Variants in ZC3H6 observed in about 807,000 individuals in gnomAD.
ZC3H6 encodes zinc finger CCCH domain-containing protein 6.
ZC3H6 carries 40 observed loss-of-function variants against 107.7 expected under a neutral mutation model. That is an observed-to-expected ratio of 0.37 (90% CI 0.29 to 0.48). The LOEUF is 0.48. ZC3H6 is among the 20% of genes least tolerant of loss of function. The probability of loss-of-function intolerance (pLI) is 0.98; values close to 1 mark genes in which losing one functional copy is unlikely to be tolerated. For missense variants in ZC3H6, 1,267 were observed against 1,410.4 expected (o/e 0.90, Z 1.63); for synonymous variants, 493 against 487.9 (o/e 1.01, Z -0.14).
Position 112,339,840 on chromosome 2 carries a change from ATCTG to A in ZC3H6, c.*7357_*7360del. 1 of 152,170 alleles carries A rather than the reference ATCTG, an allele frequency of 6.6e-6. No individual in the cohort carries two copies. Among genetic ancestry groups the A allele is most frequent in the Non-Finnish European group, 1.5e-5 (1 of 68,000 alleles). The allele number at this position is 152,170 out of a possible 1,614,324, so 9.4% of individuals were successfully genotyped here. On this transcript the variant is annotated 3_prime_UTR_variant, in exon 12 of 12. Coordinates refer to ENST00000409871, the MANE Select transcript of ZC3H6 (RefSeq NM_198581.3). The stretch of plus-strand genomic sequence containing the variant: ...GTTTAGTAGATTAATGACGTTGTTA[ATCTG>A]TCTGCTCAAAAGACACCAGCAAGGG...
chr2:112,296,188 CT>C (rs904840060), intron 1 of ZC3H6, among the ~76,000 whole-genome samples: 4 of 152,062 alleles, frequency 2.6e-5, no homozygotes, highest in African/African-American at 9.6e-5. Context: ...CTTAATACCC[CT>C]TTTTTTGTCA....
chr2:112,306,768 T>A (rs1676484381), intron 3 of ZC3H6, among the ~76,000 whole-genome samples: 1 of 152,192 alleles, frequency 6.6e-6, no homozygotes, highest in Non-Finnish European at 1.5e-5. Context: ...GAGATCCCCT[T>A]ATAATTGAGG....
chr2:112,323,930 T>C (rs1291970381), intron 9 of ZC3H6, among the ~76,000 whole-genome samples: 2 of 152,140 alleles, frequency 1.3e-5, no homozygotes, highest in Non-Finnish European at 1.5e-5. Context: ...AAACAGTAAG[T>C]TTTAGAACAG....
At chr2:112,278,803 A>G (rs1033242647) in intron 1 of ZC3H6, among the ~76,000 whole-genome samples, 2 of 152,182 alleles carry the variant, frequency 1.3e-5, no homozygotes, top group African/African-American at 4.8e-5. Flanking sequence ...TTTCTCGTTT[A>G]AAGAAATAGA....
At position 112,324,424 on chromosome 2, in the gene ZC3H6, C is replaced by T. The variant is rs1299047592; in HGVS notation, c.1613C>T (p.Pro538Leu). ...AATCAAGCTGGAGTGCTTGTTCAAC[C>T]AGACACATCTTTGACACCACCAAGT... ...PQNQAGVLVQ[P>L]DTSLTPPSMG... The change falls in exon 10 of 12, where the codon CCA becomes CTA. Residue 538 changes from proline (P) to leucine (L), a missense_variant. By Grantham distance (98) the Pro-to-Leu change is moderately conservative (BLOSUM62 -3). Transcript: ENST00000409871. The T allele has an allele frequency of 1.2e-6, 2 of 1,613,876 alleles. No individual in the cohort carries two copies. Among genetic ancestry groups the T allele is most frequent in the Non-Finnish European group, 1.7e-6 (2 of 1,179,890 alleles).
In ZC3H6 at chr2:112,275,884, G is replaced by C. The variant is rs1258990583; in HGVS notation, c.-111G>C. 1.2e-6 allele frequency: 1 copy of C among 842,166 alleles called. No individual in the cohort carries two copies. The allele number at this position is 842,166 out of a possible 1,614,324, so 52.2% of individuals were successfully genotyped here. A position where few individuals can be genotyped will look rare whatever the true frequency, so the allele number is the denominator to read the frequency against. ...AGTTTTTACCACTTCGTCACCTGTC[G>C]GCGGCGGCCGGGAGCAGGTTCCCGC... On this transcript the variant is annotated 5_prime_UTR_variant, in exon 1 of 12. Transcript: ENST00000409871.
intron 1 of ZC3H6, among the ~76,000 whole-genome samples, chr2:112,276,386 A>C (rs1468030487): frequency 1.3e-5 from 2 of 151,874 alleles, no homozygotes; most frequent in East Asian, 3.9e-4. Context: ...TCCCGGCCAG[A>C]TAGGACCAGC....
intron 11 of ZC3H6, among the ~76,000 whole-genome samples, chr2:112,326,839 C>T (rs1676914482): frequency 6.6e-6 from 1 of 152,142 alleles, no homozygotes; most frequent in African/African-American, 2.4e-5. Flanking sequence ...TCACGAACTC[C>T]TGACCTCAGG....
At chr2:112,283,876 T>C (rs1686565206) in intron 1 of ZC3H6, among the ~76,000 whole-genome samples, 2 of 152,228 alleles carry the variant, frequency 1.3e-5, no homozygotes, top group African/African-American at 4.8e-5. Flanking sequence ...AGTTAAAAAT[T>C]CATCTGACGT....
chr2:112,276,329 CCGGCT>C (rs1184627279), intron 1 of ZC3H6, among the ~76,000 whole-genome samples: 3 of 151,078 alleles, frequency 2.0e-5, no homozygotes, highest in Admixed American at 6.6e-5. Flanking sequence ...TCTCAGCGTC[CCGGCT>C]CGGTGCTGAG....
In ZC3H6 at chr2:112,324,464, C is replaced by T. The variant is rs904428977; in HGVS notation, c.1653C>T (p.Tyr551=). The change falls in exon 10 of 12, where the codon TAC becomes TAT. Residue 551 remains tyrosine, a synonymous_variant. Transcript: ENST00000409871. ...CACCACCAAGTATGGGTGGGGCTTA[C>T]CACTCCCCAGGCTTTCCAGGACATG... ...SLTPPSMGGA[Y]HSPGFPGHVM... is the part of the protein sequence containing the mutation. 5 of 1,613,922 alleles carry T rather than the reference C, an allele frequency of 3.1e-6. No homozygotes were observed. The Admixed American group carries it at 6.7e-5, about 22-fold the overall frequency.
chr2:112,279,396 A>G (rs1300997528), intron 1 of ZC3H6, among the ~76,000 whole-genome samples: 2 of 152,252 alleles, frequency 1.3e-5, no homozygotes, highest in African/African-American at 4.8e-5. Flanking sequence ...TCTGAAATAT[A>G]CTAATGGTAA....
intron 6 of ZC3H6, 115 bp downstream of exon 6, chr2:112,316,701 G>A: frequency 1.6e-6 from 1 of 618,338 alleles, no homozygotes; most frequent in Non-Finnish European, 2.8e-6. Flanking sequence ...AATAAAACTG[G>A]GTCTTTAAAA....
At position 112,332,047 on chromosome 2, in the gene ZC3H6, T is replaced by C. The variant is rs757441782; in HGVS notation, c.3129T>C (p.Leu1043=). 1.7e-5 allele frequency: 27 copies of C among 1,614,024 alleles called. No individual in the cohort carries two copies. In the South Asian group the frequency reaches 2.9e-4, roughly 17 times the overall value. ...GLPLGTSTSV[L]SGISLYDPRD... Reference sequence around the variant, plus strand: ...CACTGGGAACTTCCACTTCAGTTCTTAGTGGTATTAGTTTGTATGACCCTA... The same window carrying C: ...CACTGGGAACTTCCACTTCAGTTCTCAGTGGTATTAGTTTGTATGACCCTA... The change falls in exon 12 of 12, where the codon CTT becomes CTC. Residue 1043 remains leucine, a synonymous_variant. Coordinates refer to ENST00000409871, the MANE Select transcript of ZC3H6 (RefSeq NM_198581.3).
intron 5 of ZC3H6, among the ~76,000 whole-genome samples, chr2:112,313,655 A>G (rs978113618): frequency 6.6e-6 from 1 of 152,222 alleles, no homozygotes; most frequent in Non-Finnish European, 1.5e-5. Context: ...TTTATTGGCT[A>G]TCACGAGAGA....
chr2:112,299,630 C>CT (rs1676329864), intron 1 of ZC3H6, among the ~76,000 whole-genome samples: 1 of 152,150 alleles, frequency 6.6e-6, no homozygotes, highest in South Asian at 2.1e-4. Context: ...TTCTTACATT[C>CT]TTAAAGGAAT....
At chr2:112,322,095 C>A (rs999672271) in intron 8 of ZC3H6, among the ~76,000 whole-genome samples, 1 of 149,946 alleles carries the variant, frequency 6.7e-6, no homozygotes, top group Non-Finnish European at 1.5e-5. Flanking sequence ...TTTCTCTCCC[C>A]CTTCCCTCCT....
chr2:112,298,382 T>C (rs1168730521), intron 1 of ZC3H6, among the ~76,000 whole-genome samples: 2 of 152,148 alleles, frequency 1.3e-5, no homozygotes, highest in Non-Finnish European at 2.9e-5. Context: ...CCTATTAAGC[T>C]GGCAAAAAAA....
At chr2:112,305,208 A>G (rs1229659806) in intron 3 of ZC3H6, among the ~76,000 whole-genome samples, 1 of 152,238 alleles carries the variant, frequency 6.6e-6, no homozygotes, top group Non-Finnish European at 1.5e-5. Flanking sequence ...GACTCTTACA[A>G]TGAATGAAAA....
Sources: allele counts gnomAD v4.1 joint callset (sites outside exome capture counted in the v4.1 genomes callset), GRCh38; gene constraint gnomAD v4.1.1; transcripts MANE v1.5; gene names NCBI Gene and HGNC (gene_info 2026-07-23, HGNC 2026-07-21).